UROC1: variants seen among roughly 807,000 people sequenced by gnomAD.
UROC1 encodes urocanate hydratase 1.
In UROC1, 79 loss-of-function variants were observed where a neutral mutation model predicts 89.5. The ratio of observed to expected loss-of-function variants is 0.88; its 90% confidence interval spans 0.74 to 1.06. The LOEUF (loss-of-function observed/expected upper bound fraction) is 1.06, where lower values mean the gene tolerates loss of function less well. UROC1 is among the 50% of genes least tolerant of loss of function. The pLI, the probability that UROC1 is intolerant of heterozygous loss-of-function variation, is 0.00. For missense variants in UROC1, 885 were observed against 907.8 expected (o/e 0.97, Z 0.32); for synonymous variants, 361 against 354.8 (o/e 1.02, Z -0.20).
Position 126,481,932 on chromosome 3 carries a change from A to C in UROC1, c.*413T>G. Reference sequence around the variant, plus strand: ...CCAGCAGCCCAGGGTGCCAGGGTCCAGAAGTTGCTTGCACAGACAGCAGAT... The same window carrying C: ...CCAGCAGCCCAGGGTGCCAGGGTCCCGAAGTTGCTTGCACAGACAGCAGAT... On this transcript the variant is annotated 3_prime_UTR_variant, in exon 20 of 20. Transcript: ENST00000290868. The C allele has an allele frequency of 3.7e-6, 1 of 271,286 alleles. No individual in the cohort carries two copies. Among genetic ancestry groups the C allele is most frequent in the Non-Finnish European group, 7.2e-6 (1 of 137,970 alleles). The allele number at this position is 271,286 out of a possible 1,614,324, so 16.8% of individuals were successfully genotyped here.
intron 16 of UROC1, 81 bp from the exon 17 acceptor site, chr3:126,489,456 C>A: frequency 1.8e-6 from 2 of 1,120,584 alleles, no homozygotes; most frequent in South Asian, 2.5e-5. Flanking sequence ...AGGGGCAGGT[C>A]ACACCAGAAC....
At chr3:126,514,501 A>G (rs1383797569) in intron 1 of UROC1, among the ~76,000 whole-genome samples, 1 of 152,008 alleles carries the variant, frequency 6.6e-6, no homozygotes, top group African/African-American at 2.4e-5. Flanking sequence ...GAAAGGCCCC[A>G]CTCCAGTCAC....
Position 126,488,226 on chromosome 3 carries a change from C to A in UROC1, c.1762G>T (p.Ala588Ser), listed in dbSNP as rs747955739. 6.2e-7 allele frequency: 1 copy of A among 1,614,232 alleles called. No individual in the cohort carries two copies. The highest frequency in any genetic ancestry group is 1.7e-5 in the Admixed American group (1 of 60,032). ...CCCACGCCCCCTCCGTTGTGAAGGG[C>A]GACCCAGGTGGCTCCGCGACAGGCA... Reference protein sequence around the residue: ...GDACRGATWVALHNGGGVGWG... With the variant: ...GDACRGATWVSLHNGGGVGWG... Residue 588 changes from alanine (A) to serine (S), a missense_variant, in exon 18 of 20, where the codon GCC becomes TCC. By Grantham distance (99) the Ala-to-Ser change is moderately conservative. Coordinates refer to ENST00000290868, the MANE Select transcript of UROC1 (RefSeq NM_144639.3).
intron 1 of UROC1, among the ~76,000 whole-genome samples, chr3:126,511,784 A>T (rs905229058): frequency 6.6e-6 from 1 of 152,208 alleles, no homozygotes; most frequent in Non-Finnish European, 1.5e-5. Context: ...TCCGAAATAC[A>T]GCCCCAAAGC....
chr3:126,510,588 C>A, intron 2 of UROC1, 76 bp downstream of exon 2: 1 of 1,590,476 alleles, frequency 6.3e-7, no homozygotes, highest in South Asian at 1.1e-5. Context: ...CCTCCTTGTT[C>A]CTGGCCCCCA....
chr3:126,492,426 T>G lies in UROC1; in HGVS notation c.1600A>C (p.Arg534=), dbSNP rs757955138. ...AGCACAGGACACCTCACCTTGATCC[T>G]CCTGCAGGCGATGGCCTGGTTAATG... The part of the protein sequence containing the change: ...VAINQAIACR[R]IKAPVVLSRD... The change falls in exon 16 of 20, where the codon AGG becomes CGG. Residue 534 remains arginine (R), a synonymous_variant. Coordinates refer to ENST00000290868, the MANE Select transcript of UROC1 (RefSeq NM_144639.3). The G allele has an allele frequency of 6.2e-7, 1 of 1,613,546 alleles. No individual in the cohort carries two copies. The highest frequency in any genetic ancestry group is 8.5e-7 in the Non-Finnish European group (1 of 1,179,878).
In UROC1 at chr3:126,485,232, C is replaced by T. The variant is rs1017465760; in HGVS notation, c.1791-1764G>A. On this transcript the variant is annotated intron_variant, in intron 18 of 19. Transcript: ENST00000290868. ...CTTGCACATGTTAACACTCTACAAG[C>T]GTTCGCTATCATCAGCTCATTTCCT... Among the ~76,000 whole-genome samples, 4 of 152,224 alleles carry T rather than the reference C, an allele frequency of 2.6e-5. No individual in the cohort carries two copies. In the East Asian group the frequency reaches 5.8e-4, roughly 22 times the overall value.
intron 14 of UROC1, among the ~76,000 whole-genome samples, chr3:126,497,426 C>G (rs968874188): frequency 7.9e-5 from 12 of 152,248 alleles, no homozygotes; most frequent in Non-Finnish European, 1.3e-4. Context: ...AAACACAACC[C>G]TCTGGCAGAA....
intron 1 of UROC1, among the ~76,000 whole-genome samples, chr3:126,512,122 G>A (rs771987512): frequency 6.6e-6 from 1 of 152,234 alleles, no homozygotes; most frequent in Non-Finnish European, 1.5e-5. Context: ...GCCTTGGACT[G>A]GAGGCAGCTC....
intron 7 of UROC1, 23 bp downstream of exon 7, chr3:126,505,922 C>T: frequency 6.2e-7 from 1 of 1,612,782 alleles, no homozygotes; most frequent in East Asian, 2.2e-5. Context: ...AAGCCCACAG[C>T]CAGGCGTGGC....
chr3:126,511,222 G>A (rs780634647), intron 1 of UROC1, among the ~76,000 whole-genome samples: 4 of 152,124 alleles, frequency 2.6e-5, no homozygotes, highest in Non-Finnish European at 5.9e-5. Context: ...GCTGTCAAAA[G>A]CAACATATAT....
In UROC1 at chr3:126,508,069, C is replaced by T. The variant is rs139167502; in HGVS notation, c.438G>A (p.Ser146=). 337 of 1,613,926 alleles carry T rather than the reference C, an allele frequency of 2.1e-4. 1 individual carries two copies. Among genetic ancestry groups the T allele is most frequent in the African/African-American group, 1.7e-3 (131 of 75,018 alleles). ...CCAAAGTCTGCTCCTCTGTCATCTT[C>T]GACAAGTAGAACATGGTCAGCCAGA... is the stretch of plus-strand genomic sequence containing the variant. ...AQFWLTMFYL[S]KMTEEQTLVM... Residue 146 remains serine, a synonymous_variant, in exon 5 of 20, where the codon TCG becomes TCA. Coordinates refer to ENST00000290868, the MANE Select transcript of UROC1 (RefSeq NM_144639.3).
At chr3:126,502,803 C>A (rs1292257788) in intron 9 of UROC1, among the ~76,000 whole-genome samples, 1 of 149,600 alleles carries the variant, frequency 6.7e-6, no homozygotes, top group Non-Finnish European at 1.5e-5. Context: ...GTGCTGTGTT[C>A]TCTGTGTATG....
chr3:126,509,525 G>A lies in UROC1; in HGVS notation c.351+60C>T, dbSNP rs909884994. The A allele has an allele frequency of 1.9e-5, 26 of 1,401,090 alleles. No individual in the cohort carries two copies. The African/African-American group carries it at 2.3e-4, about 12-fold the overall frequency. The allele number at this position is 1,401,090 out of a possible 1,614,324, so 86.8% of individuals were successfully genotyped here. A position where few individuals can be genotyped will look rare whatever the true frequency, so the allele number is the denominator to read the frequency against. On this transcript the variant is annotated intron_variant, in intron 3 of 19. Transcript: ENST00000290868. ...AATTAAGAGCTTAAAAGCATGACAC[G>A]TGTGTCTCGTGTTCTGTTTCTGCTG...
At chr3:126,496,231 A>G in intron 14 of UROC1, 123 bp from the exon 15 acceptor site, 1 of 970,274 alleles carries the variant, frequency 1.0e-6, no homozygotes, top group South Asian at 1.4e-5. Flanking sequence ...ACACAAGGTG[A>G]GGGAGCCCAC....
At chr3:126,496,515 G>C (rs1935781058) in intron 14 of UROC1, among the ~76,000 whole-genome samples, 1 of 152,198 alleles carries the variant, frequency 6.6e-6, no homozygotes, top group Admixed American at 6.5e-5. Context: ...TAAAGGCTGG[G>C]AAGGAACCGG....
rs150437149 is a variant in UROC1, at chr3:126,505,805, C to G, written c.709G>C (p.Glu237Gln). 4.6e-4 allele frequency: 746 copies of G among 1,613,918 alleles called. 1 individual carries two copies. The highest frequency in any genetic ancestry group is 2.5e-3 in the Admixed American group (150 of 60,034). Residue 237 changes from glutamate to glutamine, a missense_variant, in exon 8 of 20, where the codon GAG (glutamate) becomes CAG (glutamine). Coordinates refer to ENST00000290868, the MANE Select transcript of UROC1 (RefSeq NM_144639.3). ...LNAARRYLGIEDLAGKVFVTS... is the reference protein window; with the variant it reads ...LNAARRYLGIQDLAGKVFVTS... ...ACAAAGACCTTCCCAGCCAAGTCCT[C>G]GATGCCCAGGTACCGACGTGCAGCA...
Position 126,510,708 on chromosome 3 carries a change from G to A in UROC1, c.213C>T (p.Tyr71=), listed in dbSNP as rs373153780. 21 of 1,614,002 alleles carry A rather than the reference G, an allele frequency of 1.3e-5. No homozygotes were observed. The highest frequency in any genetic ancestry group is 1.2e-4 in the African/African-American group (9 of 74,924). ...APEFAQELQL[Y]GHIYMYRFCP... Reference sequence around the variant, plus strand: ...AAAACCGGTACATGTAGATGTGTCCGTACAGTTGCAGCTCCTGGGCAAACT... The same window carrying A: ...AAAACCGGTACATGTAGATGTGTCCATACAGTTGCAGCTCCTGGGCAAACT... The change falls in exon 2 of 20, where the codon TAC becomes TAT. Residue 71 remains tyrosine (Y), a synonymous_variant. Transcript: ENST00000290868.
At chr3:126,494,398 C>A (rs115176011) in intron 15 of UROC1, among the ~76,000 whole-genome samples, 5,235 of 152,268 alleles carry the variant, frequency 0.034, 103 homozygotes, top group Middle Eastern at 0.058. Context: ...TTCTCCACCC[C>A]ATCTCTGCAC....
Sources: allele counts gnomAD v4.1 joint callset (sites outside exome capture counted in the v4.1 genomes callset), GRCh38; gene constraint gnomAD v4.1.1; transcripts MANE v1.5; gene names NCBI Gene and HGNC (gene_info 2026-07-23, HGNC 2026-07-21).